The following LRIF1 variants were observed in gnomAD, a reference collection of about 807,000 sequenced individuals.
LRIF1 encodes ligand dependent nuclear receptor interacting factor 1, also known as ligand-dependent nuclear receptor-interacting factor 1.
A neutral mutation model predicts 52.7 loss-of-function variants in LRIF1; 32 were observed. The observed-to-expected ratio is 0.61, with a 90% CI of 0.46 to 0.82. LRIF1 has a LOEUF of 0.82. LRIF1 is among the 40% of genes least tolerant of loss of function. The pLI is 0.00. For synonymous variants in LRIF1, 323 were observed against 317.4 expected (o/e 1.02, Z -0.19); for missense variants, 887 against 892.0 (o/e 0.99, Z 0.07).
chr1:110,898,566 G>A, the LRIF1 span, among the ~76,000 whole-genome samples: 1 of 151,898 alleles, frequency 6.6e-6, no homozygotes, highest in African/African-American at 2.4e-5. Flanking sequence ...CATGTTAAGG[G>A]GCTGATGACG....
chr1:110,899,126 G>A, the LRIF1 span: 7 of 1,613,424 alleles, frequency 4.3e-6, no homozygotes, highest in Admixed American at 8.3e-5. Flanking sequence ...TTTCACAGGT[G>A]TTGGGGATGT....
Position 110,963,605 on chromosome 1 carries a change from C to T in LRIF1, c.68+16G>A, listed in dbSNP as rs1659059081. On this transcript the variant is annotated intron_variant, in intron 1 of 3. Coordinates refer to ENST00000369763, the MANE Select transcript of LRIF1 (RefSeq NM_018372.4). Reference sequence around the variant, plus strand: ...CAGAGGGGCAGCCGTGGGGAGGATTCGAAACCGGTACTTACCAACGCGAGG... The same window carrying T: ...CAGAGGGGCAGCCGTGGGGAGGATTTGAAACCGGTACTTACCAACGCGAGG... The T allele has an allele frequency of 6.2e-7, 1 of 1,600,688 alleles. No homozygotes were observed. The highest frequency in any genetic ancestry group is 8.5e-7 in the Non-Finnish European group (1 of 1,169,726).
At chr1:110,897,774 A>C in the LRIF1 span, 3 of 1,251,212 alleles carry the variant, frequency 2.4e-6, no homozygotes, top group Non-Finnish European at 3.5e-6. Context: ...GTGGAATTAT[A>C]GAGTAGTATC....
At chr1:110,897,906 C>T in the LRIF1 span, 1 of 1,498,276 alleles carries the variant, frequency 6.7e-7, no homozygotes, top group Non-Finnish European at 9.3e-7. Context: ...AGAGCTTAAC[C>T]ACAGGGTTAT....
chr1:110,918,262 C>G, the LRIF1 span, among the ~76,000 whole-genome samples: 1 of 152,138 alleles, frequency 6.6e-6, no homozygotes. Context: ...TGTGCTGTCA[C>G]TAATACTCAG....
chr1:110,905,715 G>GT, the LRIF1 span, among the ~76,000 whole-genome samples: 1 of 152,136 alleles, frequency 6.6e-6, no homozygotes, highest in Non-Finnish European at 1.5e-5. Flanking sequence ...ACTGGTAATA[G>GT]TAAGTACACA....
chr1:110,891,916 GTGTAT>G, the LRIF1 span, among the ~76,000 whole-genome samples: 1 of 152,222 alleles, frequency 6.6e-6, no homozygotes, highest in Non-Finnish European at 1.5e-5. Context: ...GTTGGTACTT[GTGTAT>G]ATGAGAAGAT....
chr1:110,937,883 C>T, the LRIF1 span: 1 of 151,938 alleles, frequency 6.6e-6, no homozygotes, highest in African/African-American at 2.4e-5. Context: ...AGGAGCATTA[C>T]AACTGATACT....
At chr1:110,897,517 T>C in the LRIF1 span, among the ~76,000 whole-genome samples, 4 of 152,310 alleles carry the variant, frequency 2.6e-5, no homozygotes, top group African/African-American at 4.8e-5. Context: ...TCAAAGACAG[T>C]AGGACGTCGG....
At chr1:110,963,431 T>C in intron 1 of LRIF1, 190 bp downstream of exon 1, 1 of 446,424 alleles carries the variant, frequency 2.2e-6, no homozygotes, top group Non-Finnish European at 4.2e-6. Context: ...CTAAAGAGGT[T>C]TTACATTTCC....
At chr1:110,962,446 T>C (rs902095626) in intron 1 of LRIF1, among the ~76,000 whole-genome samples, 2 of 152,212 alleles carry the variant, frequency 1.3e-5, no homozygotes, top group Non-Finnish European at 2.9e-5. Flanking sequence ...ATATTGCTTT[T>C]AAGGACTCAC....
rs765750604 is a variant in LRIF1 at position 110,951,292 on chromosome 1, G to A, written c.1592C>T (p.Pro531Leu). 5 of 1,605,236 alleles carry A rather than the reference G, an allele frequency of 3.1e-6. No homozygotes were observed. The South Asian group carries it at 5.6e-5, about 18-fold the overall frequency. ...ACCCTGACATGGGAAAATTACCTTT[G>A]GTTCTTGGTCTCTGAAAACACACTG... is the stretch of plus-strand genomic sequence containing the variant. ...SQQCVFRDQE[P>L]KIHNEMASTS... The change falls in exon 2 of 4, where the codon CCA becomes CTA. Residue 531 changes from proline (P) to leucine (L), a missense_variant. Coordinates refer to ENST00000369763, the MANE Select transcript of LRIF1 (RefSeq NM_018372.4).
the LRIF1 span, chr1:110,939,321 T>C: frequency 7.3e-6 from 1 of 136,674 alleles, no homozygotes; most frequent in East Asian, 2.1e-4. Context: ...GAGCTTGCAG[T>C]GAGCCGAGAT....
At chr1:110,892,739 T>C in the LRIF1 span, 3 of 526,494 alleles carry the variant, frequency 5.7e-6, no homozygotes, top group Non-Finnish European at 1.0e-5. Context: ...GGCATTGCTA[T>C]CCCCCTTGTA....
the LRIF1 span, among the ~76,000 whole-genome samples, chr1:110,912,338 A>G: frequency 2.0e-5 from 3 of 152,030 alleles, no homozygotes; most frequent in Admixed American, 6.6e-5. Context: ...CAGCCTCCCA[A>G]GTAGTTGGGA....
chr1:110,923,613 C>T, the LRIF1 span, among the ~76,000 whole-genome samples: 1 of 151,954 alleles, frequency 6.6e-6, no homozygotes, highest in Admixed American at 6.6e-5. Context: ...TCCTAAGTAG[C>T]CATGAATTAA....
the LRIF1 span, among the ~76,000 whole-genome samples, chr1:110,893,701 A>ATGG: frequency 6.6e-6 from 1 of 152,254 alleles, no homozygotes; most frequent in Non-Finnish European, 1.5e-5. Context: ...TGTCAGACTA[A>ATGG]TGGCAAAGGA....
In LRIF1 at chr1:110,950,071, T is replaced by C; in HGVS notation, c.1649A>G (p.Asp550Gly). 6.2e-7 allele frequency: 1 copy of C among 1,614,002 alleles called. No individual in the cohort carries two copies. Among genetic ancestry groups the C allele is most frequent in the Non-Finnish European group, 8.5e-7 (1 of 1,179,978 alleles). ...TSDKGAQGRN[D>G]KKDSQGRSNK... is the part of the protein sequence containing the mutation. ...ACTTCTTCCTTGAGAATCTTTCTTG[T>C]CATTTCTTCCTTGGGCACCTTTATC... The change falls in exon 3 of 4, where the codon GAC becomes GGC. Residue 550 changes from aspartate (D) to glycine (G), a missense_variant. Transcript: ENST00000369763.
chr1:110,886,283 T>C, the LRIF1 span, among the ~76,000 whole-genome samples: 1 of 152,194 alleles, frequency 6.6e-6, no homozygotes, highest in Admixed American at 6.5e-5. Context: ...GTTTTAAGAT[T>C]TTCTTTTTAT....
Sources: allele counts gnomAD v4.1 joint callset (sites outside exome capture counted in the v4.1 genomes callset), GRCh38; gene constraint gnomAD v4.1.1; transcripts MANE v1.5; gene names NCBI Gene and HGNC (gene_info 2026-07-23, HGNC 2026-07-21).